The following SPCS2 variants were observed in gnomAD, a reference collection of about 807,000 sequenced individuals.
The protein encoded by SPCS2 is SPase 25 kDa subunit.
Under a neutral mutation model 22.3 loss-of-function variants are expected in SPCS2, and 3 were observed. That is an observed-to-expected ratio of 0.13 (90% confidence interval 0.06 to 0.35). SPCS2 has a LOEUF of 0.35. SPCS2 is among the 10% of genes least tolerant of loss of function. The pLI is 1.00. For missense variants in SPCS2, 169 were observed against 280.9 expected (o/e 0.60, Z 2.85); for synonymous variants, 67 against 97.2 (o/e 0.69, Z 1.83).
intron 1 of SPCS2, among the ~76,000 whole-genome samples, chr11:74,953,491 C>A (rs1336709255): frequency 3.3e-5 from 5 of 152,108 alleles, no homozygotes; most frequent in Non-Finnish European, 7.4e-5. Context: ...CCACACCCAG[C>A]CTAATATAAT....
intron 3 of SPCS2, 93 bp from the exon 4 acceptor site, chr11:74,969,472 A>G: frequency 8.3e-7 from 1 of 1,204,254 alleles, no homozygotes; most frequent in East Asian, 2.5e-5. Context: ...CTTCTTTAGG[A>G]CTATCATTAT....
chr11:74,950,736 G>A (rs576639904), intron 1 of SPCS2, among the ~76,000 whole-genome samples: 2 of 152,082 alleles, frequency 1.3e-5, no homozygotes, highest in Non-Finnish European at 2.9e-5. Context: ...GTAGAGTCAG[G>A]GTCTTACTGT....
chr11:74,970,557 C>T (rs140566559), intron 4 of SPCS2, among the ~76,000 whole-genome samples: 3 of 152,228 alleles, frequency 2.0e-5, no homozygotes, highest in Admixed American at 6.5e-5. Flanking sequence ...GCATAATAGC[C>T]GCACAAATTA....
At chr11:74,972,026 G>A (rs1948587701) in intron 4 of SPCS2, among the ~76,000 whole-genome samples, 1 of 151,732 alleles carries the variant, frequency 6.6e-6, no homozygotes, top group Admixed American at 6.6e-5. Flanking sequence ...ACATACCTTA[G>A]TCTTCCTTAA....
intron 4 of SPCS2, among the ~76,000 whole-genome samples, chr11:74,975,065 A>T (rs190952262): frequency 2.8e-4 from 42 of 152,214 alleles, no homozygotes; most frequent in Non-Finnish European, 4.3e-4. Context: ...CAAAATCCTA[A>T]GGATGGCTTA....
intron 4 of SPCS2, among the ~76,000 whole-genome samples, chr11:74,976,630 T>C (rs1948615514): frequency 6.6e-6 from 1 of 152,144 alleles, no homozygotes; most frequent in Admixed American, 6.5e-5. Context: ...AGGTACACAG[T>C]AATTAAAGTA....
intron 4 of SPCS2, among the ~76,000 whole-genome samples, chr11:74,970,003 T>G (rs1273114535): frequency 6.6e-6 from 1 of 152,262 alleles, no homozygotes; most frequent in African/African-American, 2.4e-5. Context: ...CAGTTATCTT[T>G]GAAGAATTCC....
chr11:74,962,855 G>A (rs185197601), intron 1 of SPCS2, among the ~76,000 whole-genome samples: 1 of 152,318 alleles, frequency 6.6e-6, no homozygotes, highest in Admixed American at 6.5e-5. Context: ...ACCAGGCAGT[G>A]AAGTTAGAGC....
chr11:74,973,856 T>G (rs1948600758), intron 4 of SPCS2, among the ~76,000 whole-genome samples: 1 of 152,134 alleles, frequency 6.6e-6, no homozygotes, highest in Non-Finnish European at 1.5e-5. Context: ...CTCCCTTGGG[T>G]CTATGGGATT....
At chr11:74,957,854 A>G (rs527733482) in intron 1 of SPCS2, among the ~76,000 whole-genome samples, 13 of 152,356 alleles carry the variant, frequency 8.5e-5, no homozygotes, top group African/African-American at 1.4e-4. Context: ...CCAACAATTC[A>G]GTCAGACTTT....
At position 74,953,460 on chromosome 11, in the gene SPCS2, G is replaced by A. The variant is rs192855526; in HGVS notation, c.114+4061G>A. On this transcript the variant is annotated intron_variant, in intron 1 of 4. Transcript: ENST00000263672. ...CAACGGCCTCGGCCTCCCAAAGTGC[G>A]GGGTTTACAAGCGTGCGCCACCACA... Among the ~76,000 whole-genome samples the A allele has an allele frequency of 4.6e-5, 7 of 152,082 alleles. No individual in the cohort carries two copies. In the South Asian group the frequency reaches 6.2e-4, roughly 14 times the overall value.
chr11:74,957,300 T>A (rs1351792998), intron 1 of SPCS2, among the ~76,000 whole-genome samples: 1 of 152,202 alleles, frequency 6.6e-6, no homozygotes, highest in East Asian at 1.9e-4. Flanking sequence ...GGCAGTTTCC[T>A]TAAAAAGAAA....
chr11:74,955,207 C>T (rs1005853951), intron 1 of SPCS2, among the ~76,000 whole-genome samples: 1 of 152,080 alleles, frequency 6.6e-6, no homozygotes, highest in African/African-American at 2.4e-5. Flanking sequence ...ACCATATGAC[C>T]CAACAATTCC....
intron 1 of SPCS2, 54 bp from the exon 2 acceptor site, chr11:74,964,980 C>G: frequency 1.6e-6 from 2 of 1,257,768 alleles, no homozygotes; most frequent in South Asian, 2.7e-5. Flanking sequence ...GTTCATTTTA[C>G]TTTCAGTAAG....
chr11:74,966,566 A>G (rs952285814), intron 3 of SPCS2, among the ~76,000 whole-genome samples: 1 of 152,202 alleles, frequency 6.6e-6, no homozygotes, highest in Non-Finnish European at 1.5e-5. Context: ...GAGAGATTTT[A>G]TATTGTATTT....
At chr11:74,967,802 C>T (rs1948556003) in intron 3 of SPCS2, among the ~76,000 whole-genome samples, 3 of 152,036 alleles carry the variant, frequency 2.0e-5, no homozygotes, top group Non-Finnish European at 4.4e-5. Context: ...GGTGTAGTGG[C>T]ACACACCTAT....
At chr11:74,973,760 C>A (rs1042093276) in intron 4 of SPCS2, among the ~76,000 whole-genome samples, 8 of 152,090 alleles carry the variant, frequency 5.3e-5, no homozygotes, top group African/African-American at 1.9e-4. Flanking sequence ...TCTTTACTCT[C>A]GGTTTTTTGT....
intron 1 of SPCS2, among the ~76,000 whole-genome samples, chr11:74,958,918 A>T (rs1019360385): frequency 6.6e-6 from 1 of 151,984 alleles, no homozygotes; most frequent in Non-Finnish European, 1.5e-5. Context: ...CACTAAAATG[A>T]CTTAAAAAAA....
intron 1 of SPCS2, among the ~76,000 whole-genome samples, chr11:74,961,173 A>G (rs1948512380): frequency 1.3e-5 from 2 of 152,218 alleles, no homozygotes; most frequent in South Asian, 4.1e-4. Flanking sequence ...ATAGTTTTAT[A>G]TCATTAATAG....
Sources: allele counts gnomAD v4.1 joint callset (sites outside exome capture counted in the v4.1 genomes callset), GRCh38; gene constraint gnomAD v4.1.1; transcripts MANE v1.5; gene names NCBI Gene and HGNC (gene_info 2026-07-23, HGNC 2026-07-21).